Variants in ITSN2 observed in about 807,000 individuals in gnomAD.
The protein encoded by ITSN2 is intersectin-2.
Under a neutral mutation model 243.7 loss-of-function variants are expected in ITSN2, and 156 were observed. The ratio of observed to expected loss-of-function variants is 0.64; its 90% CI spans 0.56 to 0.73. The LOEUF (loss-of-function observed/expected upper bound fraction) is 0.73. Among genes scored for constraint, ITSN2 ranks in the 30% least tolerant of loss-of-function variants. The pLI is 0.00. For missense variants in ITSN2, 1,801 were observed against 1,996.1 expected (o/e 0.90, Z 1.86); for synonymous variants, 703 against 699.9 (o/e 1.00, Z -0.07).
chr2:24,330,986 C>T (rs1174671570), intron 1 of ITSN2, among the ~76,000 whole-genome samples: 2 of 150,980 alleles, frequency 1.3e-5, no homozygotes, highest in African/African-American at 2.4e-5. Context: ...AGGCTTGTCT[C>T]GAACTCCTGA....
chr2:24,212,547 A>T (rs1669592327), intron 33 of ITSN2, 103 bp downstream of exon 33: 2 of 802,782 alleles, frequency 2.5e-6, no homozygotes, highest in African/African-American at 1.7e-5. Context: ...CACTGTGTGC[A>T]GGGTGAGGTG....
chr2:24,239,466 C>G (rs1672503120), intron 29 of ITSN2: 1 of 151,968 alleles, frequency 6.6e-6, no homozygotes, highest in African/African-American at 2.4e-5. Context: ...TTTACATTCT[C>G]AAATTTTCTA....
chr2:24,336,241 C>CAAAA (rs756236002), intron 1 of ITSN2, among the ~76,000 whole-genome samples: 2 of 47,988 alleles, frequency 4.2e-5, no homozygotes, highest in African/African-American at 7.7e-5. Flanking sequence ...GACTCTGTCT[C>CAAAA]AAAAAAAAAA....
In ITSN2 at chr2:24,327,544, C is replaced by T. The variant is rs530652508; in HGVS notation, c.31+508G>A. 9.1e-4 allele frequency among the ~76,000 whole-genome samples: 138 copies of T among 152,166 alleles called. 1 individual carries two copies. Among genetic ancestry groups the T allele is most frequent in the African/African-American group, 3.2e-3 (131 of 41,494 alleles). On this transcript the variant is annotated intron_variant, in intron 2 of 39. Coordinates refer to ENST00000355123, the MANE Select transcript of ITSN2 (RefSeq NM_006277.3). ...GAACTCCTGACCTCAAGTGATCTCCCTCCTCAGCCTCACAAAGTGCTGTAA... is the reference window on the plus strand; with the variant it reads ...GAACTCCTGACCTCAAGTGATCTCCTTCCTCAGCCTCACAAAGTGCTGTAA...
intron 1 of ITSN2, among the ~76,000 whole-genome samples, chr2:24,345,752 C>A (rs184664815): frequency 1.3e-5 from 2 of 151,728 alleles, no homozygotes; most frequent in African/African-American, 4.8e-5. Flanking sequence ...TAAGCTTTTA[C>A]CTGTAACATA....
chr2:24,292,503 G>C (rs1396856065), intron 15 of ITSN2, among the ~76,000 whole-genome samples: 2 of 152,190 alleles, frequency 1.3e-5, no homozygotes, highest in African/African-American at 4.8e-5. Flanking sequence ...CACATCAATG[G>C]AAGGCAGGAG....
intron 3 of ITSN2, among the ~76,000 whole-genome samples, 166 bp from the exon 4 acceptor site, chr2:24,313,689 T>A (rs1683544251): frequency 6.6e-6 from 1 of 152,244 alleles, no homozygotes; most frequent in African/African-American, 2.4e-5. Flanking sequence ...ATAACTTTAA[T>A]AAGACAGATA....
Position 24,281,338 on chromosome 2 carries a change from G to T in ITSN2, c.1944+3425C>A, listed in dbSNP as rs79769771. 6.0e-4 allele frequency among the ~76,000 whole-genome samples: 91 copies of T among 152,214 alleles called. 2 individuals carry two copies. In the East Asian group the frequency reaches 0.016, roughly 26 times the overall value. On this transcript the variant is annotated intron_variant, in intron 17 of 39. Coordinates refer to ENST00000355123, the MANE Select transcript of ITSN2 (RefSeq NM_006277.3). ...AGACACCACGCCCAGCCATCAATAG[G>T]TTTTCAACCTCACTGAGACCATTCT...
chr2:24,220,634 C>A, intron 30 of ITSN2: 1 of 1,234,234 alleles, frequency 8.1e-7, no homozygotes, highest in East Asian at 3.7e-5. Context: ...CACTCTATCC[C>A]CGTCCTTCCT....
chr2:24,302,143 T>C, intron 9 of ITSN2, 41 bp from the exon 10 acceptor site: 1 of 1,463,878 alleles, frequency 6.8e-7, no homozygotes, highest in Non-Finnish European at 9.3e-7. Flanking sequence ...TAAAGTCTAT[T>C]TGGAGTAAAA....
chr2:24,212,114 G>A (rs886836242), intron 33 of ITSN2, among the ~76,000 whole-genome samples: 18 of 152,300 alleles, frequency 1.2e-4, no homozygotes, highest in African/African-American at 4.1e-4. Context: ...GGGCCCTATT[G>A]CTTATCAAAA....
intron 30 of ITSN2, chr2:24,220,571 G>C: frequency 9.3e-7 from 1 of 1,071,068 alleles, no homozygotes; most frequent in Non-Finnish European, 1.1e-6. Context: ...TGTTAAAACA[G>C]ATATTAGGCA....
Position 24,295,774 on chromosome 2 carries a change from G to C in ITSN2, c.1525C>G (p.Leu509Val). ...TGCTTTTTGAGTCGGACATCCTGAA[G>C]TCTGCCTGAGATCTGCTGATGTTTG... ...NGKHQQISGR[L>V]QDVRLKKQTQ... Residue 509 changes from leucine to valine, a missense_variant, in exon 14 of 40, where the codon CTT becomes GTT. Transcript: ENST00000355123. 6.4e-7 allele frequency: 1 copy of C among 1,559,798 alleles called. No individual in the cohort carries two copies. The highest frequency in any genetic ancestry group is 8.6e-7 in the Non-Finnish European group (1 of 1,159,116).
At chr2:24,252,579 G>A (rs966177469) in intron 24 of ITSN2, 68 bp from the exon 25 acceptor site, 2 of 1,194,388 alleles carry the variant, frequency 1.7e-6, no homozygotes, top group Admixed American at 4.3e-5. Context: ...AAGAAATTAG[G>A]TTATTCTCCA....
intron 4 of ITSN2, among the ~76,000 whole-genome samples, chr2:24,312,719 T>G (rs540824203): frequency 6.6e-6 from 1 of 152,176 alleles, no homozygotes; most frequent in Non-Finnish European, 1.5e-5. Context: ...ATACTTGCTA[T>G]GTGCCTCGTA....
At chr2:24,312,512 A>C in intron 4 of ITSN2, 137 bp from the exon 5 acceptor site, 1 of 502,412 alleles carries the variant, frequency 2.0e-6, no homozygotes, top group Non-Finnish European at 3.5e-6. Context: ...AATATCTAAC[A>C]TGTAAAATAT....
intron 37 of ITSN2, among the ~76,000 whole-genome samples, chr2:24,207,203 G>C (rs1166195520): frequency 2.0e-5 from 3 of 152,210 alleles, no homozygotes; most frequent in Non-Finnish European, 4.4e-5. Context: ...GGGTGGCAGA[G>C]AGGAAAGAGA....
rs368797108 is a variant in ITSN2 at position 24,246,250 on chromosome 2, T to C, written c.3456A>G (p.Gln1152=). 1.1e-5 allele frequency: 18 copies of C among 1,613,108 alleles called. No homozygotes were observed. Among genetic ancestry groups the C allele is most frequent in the Non-Finnish European group, 1.4e-5 (17 of 1,179,162 alleles). The change falls in exon 29 of 40, where the codon CAA becomes CAG. Residue 1152 remains glutamine, a synonymous_variant. Coordinates refer to ENST00000355123, the MANE Select transcript of ITSN2 (RefSeq NM_006277.3). ...CATCTTTGTTCATAACATTAATGAG[T>C]TGTCCCTTGGAGAAACTGAGCTCAT... ...NEDELSFSKG[Q]LINVMNKDDP...
rs371720713 is a variant in ITSN2 at position 24,359,173 on chromosome 2, T to A, written c.-34+1131A>T. Among the ~76,000 whole-genome samples, 55 of 152,382 alleles carry A rather than the reference T, an allele frequency of 3.6e-4. 1 individual carries two copies. The South Asian group carries it at 6.8e-3, about 19-fold the overall frequency. The stretch of plus-strand genomic sequence containing the variant: ...ATTATTAATTCGCGTAAATGTTTTA[T>A]GCGATGTTTCTAGGTAGCTTTTAGG... On this transcript the variant is annotated intron_variant, in intron 1 of 39. Coordinates refer to ENST00000355123, the MANE Select transcript of ITSN2 (RefSeq NM_006277.3).
Sources: gnomAD v4.1 joint callset for allele counts (sites outside exome capture counted in the v4.1 genomes callset) on GRCh38, gnomAD v4.1.1 for gene constraint, MANE v1.5 for transcripts, NCBI Gene and HGNC (gene_info 2026-07-23, HGNC 2026-07-21) for gene names.